SCFD1: variants seen among roughly 807,000 people sequenced by gnomAD.
SCFD1 encodes sec1 family domain containing 1.
A neutral mutation model predicts 103.2 loss-of-function variants in SCFD1; 37 were observed. The observed-to-expected ratio is 0.36, with a 90% CI of 0.28 to 0.47. The LOEUF (loss-of-function observed/expected upper bound fraction) is 0.47. SCFD1 is among the 20% of genes least tolerant of loss of function. SCFD1 has a pLI of 1.00. For missense variants in SCFD1, 639 were observed against 761.2 expected (o/e 0.84, Z 1.89); for synonymous variants, 264 against 245.0 (o/e 1.08, Z -0.73).
At chr14:30,708,658 A>G (rs1891649504) in intron 19 of SCFD1, among the ~76,000 whole-genome samples, 1 of 148,734 alleles carries the variant, frequency 6.7e-6, no homozygotes, top group African/African-American at 2.5e-5. Flanking sequence ...CTGTTACATA[A>G]TGAATATCAT....
intron 14 of SCFD1, among the ~76,000 whole-genome samples, chr14:30,690,631 C>T (rs1172065287): frequency 3.4e-5 from 5 of 146,470 alleles, no homozygotes; most frequent in South Asian, 2.2e-4. Flanking sequence ...TGACCCCTTG[C>T]GCTTCCCAGG....
chr14:30,731,018 A>G (rs895216639), intron 23 of SCFD1, among the ~76,000 whole-genome samples: 2 of 152,062 alleles, frequency 1.3e-5, no homozygotes, highest in Non-Finnish European at 2.9e-5. Context: ...ATCTTGAATT[A>G]ATTTTTGTAT....
chr14:30,643,915 T>C (rs779406924), intron 7 of SCFD1: 1 of 456,450 alleles, frequency 2.2e-6, no homozygotes, highest in South Asian at 1.6e-5. Context: ...GTTACATGGG[T>C]AAATTGCGTG....
intron 14 of SCFD1, among the ~76,000 whole-genome samples, chr14:30,681,220 CAAAAAAA>C (rs34998524): frequency 1.0e-5 from 1 of 98,276 alleles, no homozygotes; most frequent in African/African-American, 3.8e-5. Flanking sequence ...GACTCTGTCT[CAAAAAAA>C]AAAAAAAAGC....
At chr14:30,673,476 A>G (rs533434961) in intron 12 of SCFD1, 129 bp downstream of exon 12, 2 of 500,306 alleles carry the variant, frequency 4.0e-6, no homozygotes, top group South Asian at 4.0e-5. Context: ...AATATTTTCA[A>G]CTTGCGTAAG....
At chr14:30,692,233 A>C (rs559028284) in intron 14 of SCFD1, among the ~76,000 whole-genome samples, 1 of 152,344 alleles carries the variant, frequency 6.6e-6, no homozygotes, top group African/African-American at 2.4e-5. Flanking sequence ...CAGCAAATGC[A>C]AGTGCTTGTT....
intron 22 of SCFD1, 23 bp downstream of exon 22, chr14:30,721,940 C>G (rs1253134712): frequency 1.9e-6 from 3 of 1,570,790 alleles, no homozygotes; most frequent in Non-Finnish European, 8.8e-7. Context: ...TAAAAATTCT[C>G]TGTTCCTAGA....
chr14:30,734,715 A>G, intron 23 of SCFD1, 75 bp from the exon 24 acceptor site: 2 of 1,167,882 alleles, frequency 1.7e-6, no homozygotes, highest in Non-Finnish European at 2.6e-6. Flanking sequence ...AAACTAGCAT[A>G]TTAATCTCTT....
At chr14:30,724,397 C>T (rs974915815) in intron 23 of SCFD1, among the ~76,000 whole-genome samples, 4 of 151,634 alleles carry the variant, frequency 2.6e-5, no homozygotes, top group African/African-American at 9.7e-5. Flanking sequence ...AGATTACAGG[C>T]GCACCCTTCC....
intron 9 of SCFD1, among the ~76,000 whole-genome samples, chr14:30,651,711 A>G (rs949586779): frequency 1.3e-5 from 2 of 152,136 alleles, no homozygotes; most frequent in South Asian, 2.1e-4. Context: ...TCACATTATC[A>G]TAATATGGGC....
chr14:30,646,490 T>A (rs867330577), intron 7 of SCFD1, among the ~76,000 whole-genome samples: 9 of 152,178 alleles, frequency 5.9e-5, no homozygotes, highest in African/African-American at 1.9e-4. Context: ...TACTTGATCG[T>A]GGTGGATTCA....
At chr14:30,718,153 TAA>T (rs1465299241) in intron 20 of SCFD1, among the ~76,000 whole-genome samples, 20 of 152,284 alleles carry the variant, frequency 1.3e-4, no homozygotes, top group African/African-American at 4.6e-4. Flanking sequence ...TAAAGAAACA[TAA>T]GTCATCTTAA....
chr14:30,663,979 C>T (rs957890182), intron 10 of SCFD1, among the ~76,000 whole-genome samples: 1 of 152,164 alleles, frequency 6.6e-6, no homozygotes. Context: ...GCAGAAACTT[C>T]TGCAGACTTA....
rs757243448 is a variant in SCFD1 at position 30,700,187 on chromosome 14, G to A, written c.1340-1G>A. 3 of 1,605,818 alleles carry A rather than the reference G, an allele frequency of 1.9e-6. No homozygotes were observed. Among genetic ancestry groups the A allele is most frequent in the Non-Finnish European group, 2.6e-6 (3 of 1,173,132 alleles). On this transcript the variant is annotated splice_acceptor_variant, in intron 15 of 24. Coordinates refer to ENST00000458591, the MANE Select transcript of SCFD1 (RefSeq NM_016106.4). LOFTEE classifies it high-confidence loss of function. Reference sequence around the variant, plus strand: ...TTTTTAACCTCTTTTCCCCTATGCAGCAGGAACTCCAGAAGATAAAATGAG... The same window carrying A: ...TTTTTAACCTCTTTTCCCCTATGCAACAGGAACTCCAGAAGATAAAATGAG...
intron 10 of SCFD1, among the ~76,000 whole-genome samples, chr14:30,661,949 C>G (rs1014347456): frequency 6.6e-6 from 1 of 151,966 alleles, no homozygotes; most frequent in Non-Finnish European, 1.5e-5. Flanking sequence ...ATCCTTATTC[C>G]TGTCTTAGAA....
At chr14:30,712,053 C>G (rs1364551365) in intron 19 of SCFD1, among the ~76,000 whole-genome samples, 1 of 152,048 alleles carries the variant, frequency 6.6e-6, no homozygotes, top group Non-Finnish European at 1.5e-5. Flanking sequence ...CTCTGTAGAT[C>G]ACAGTCTGGT....
intron 1 of SCFD1, among the ~76,000 whole-genome samples, chr14:30,623,850 A>G (rs1424341957): frequency 3.3e-5 from 5 of 152,174 alleles, no homozygotes; most frequent in African/African-American, 1.2e-4. Context: ...ATCCTTGTAT[A>G]TATATTATAA....
At chr14:30,648,434 A>G (rs72666428) in intron 7 of SCFD1, among the ~76,000 whole-genome samples, 1 of 152,350 alleles carries the variant, frequency 6.6e-6, no homozygotes, top group Non-Finnish European at 1.5e-5. Context: ...ATTTCAACCT[A>G]TATGAATAAT....
At chr14:30,669,209 C>A (rs1013804123) in intron 10 of SCFD1, among the ~76,000 whole-genome samples, 1 of 152,002 alleles carries the variant, frequency 6.6e-6, no homozygotes, top group Admixed American at 6.6e-5. Context: ...CTAAAGGAGA[C>A]TGAATTGCAT....
Sources: allele counts gnomAD v4.1 joint callset (sites outside exome capture counted in the v4.1 genomes callset), GRCh38; gene constraint gnomAD v4.1.1; transcripts MANE v1.5; gene names NCBI Gene and HGNC (gene_info 2026-07-23, HGNC 2026-07-21).